Variants in KCND2 observed in about 807,000 individuals in gnomAD.
KCND2 encodes A-type voltage-gated potassium channel KCND2.
Under a neutral mutation model 54.4 loss-of-function variants are expected in KCND2, and 16 were observed. The observed-to-expected ratio is 0.29, with a 90% CI of 0.20 to 0.45. KCND2 has a LOEUF of 0.45. Ranked by LOEUF, KCND2 falls within the 20% of genes least tolerant of loss-of-function variation. The pLI, the probability that KCND2 is intolerant of heterozygous loss-of-function variation, is 1.00. For missense variants in KCND2, 486 were observed against 824.2 expected (o/e 0.59, Z 5.02); for synonymous variants, 317 against 310.7 (o/e 1.02, Z -0.21).
chr7:120,350,066 T>G (rs1336609752), intron 1 of KCND2, among the ~76,000 whole-genome samples: 1 of 152,066 alleles, frequency 6.6e-6, no homozygotes, highest in Non-Finnish European at 1.5e-5. Context: ...GTTTTACAGA[T>G]TTTTCAGACA....
intron 1 of KCND2, among the ~76,000 whole-genome samples, chr7:120,498,305 C>T (rs1802879155): frequency 6.6e-6 from 1 of 152,042 alleles, no homozygotes; most frequent in Non-Finnish European, 1.5e-5. Context: ...CATGGTGAAA[C>T]CCCGTGTCTA....
At chr7:120,489,246 C>T (rs760338966) in intron 1 of KCND2, among the ~76,000 whole-genome samples, 1 of 151,786 alleles carries the variant, frequency 6.6e-6, no homozygotes, top group African/African-American at 2.4e-5. Flanking sequence ...TATTATAACT[C>T]TATAAGTGAA....
rs142446172 is a variant in KCND2 at position 120,320,097 on chromosome 7, G to T, written c.1115+44350G>T. Among the ~76,000 whole-genome samples, 703 of 152,126 alleles carry T rather than the reference G, an allele frequency of 4.6e-3. 2 individuals are homozygous for T. Among genetic ancestry groups the T allele is most frequent in the African/African-American group, 0.016 (656 of 41,512 alleles). ...TGTTTCATCTTGCGCTTGTCAGTTG[G>T]TACCACTTGTACAATAACAAACATT... On this transcript the variant is annotated intron_variant, in intron 1 of 5. Coordinates refer to ENST00000331113, the MANE Select transcript of KCND2 (RefSeq NM_012281.3).
intron 1 of KCND2, among the ~76,000 whole-genome samples, chr7:120,376,352 G>T (rs1800835168): frequency 6.6e-6 from 1 of 151,454 alleles, no homozygotes; most frequent in Non-Finnish European, 1.5e-5. Context: ...AACTTTTAAA[G>T]AACTAATTTT....
intron 1 of KCND2, among the ~76,000 whole-genome samples, chr7:120,396,586 C>T (rs189366288): frequency 1.1e-3 from 164 of 151,958 alleles, no homozygotes; most frequent in African/African-American, 3.5e-3. Flanking sequence ...TTGTGAGTTT[C>T]TACTAACGTT....
intron 1 of KCND2, among the ~76,000 whole-genome samples, chr7:120,388,905 TAC>T (rs546057011): frequency 6.0e-5 from 9 of 150,158 alleles, no homozygotes; most frequent in Non-Finnish European, 1.0e-4. Flanking sequence ...TATATATATA[TAC>T]ACACACATAC....
At chr7:120,309,707 CTTATG>C (rs1467157693) in intron 1 of KCND2, among the ~76,000 whole-genome samples, 3 of 151,888 alleles carry the variant, frequency 2.0e-5, no homozygotes, top group African/African-American at 4.8e-5. Flanking sequence ...CTTCAGATAT[CTTATG>C]TTATGGACTT....
At chr7:120,577,355 TAA>T (rs1342883745) in intron 1 of KCND2, among the ~76,000 whole-genome samples, 2 of 152,182 alleles carry the variant, frequency 1.3e-5, no homozygotes, top group East Asian at 1.9e-4. Flanking sequence ...AAAATTTACT[TAA>T]GTTTTATTCA....
chr7:120,658,021 T>C (rs2116555292), intron 1 of KCND2, among the ~76,000 whole-genome samples: 1 of 152,292 alleles, frequency 6.6e-6, no homozygotes, highest in South Asian at 2.1e-4. Flanking sequence ...ATAAGTAAAT[T>C]TATTAAGAGA....
chr7:120,400,729 C>T (rs533681950), intron 1 of KCND2, among the ~76,000 whole-genome samples: 81 of 152,252 alleles, frequency 5.3e-4, no homozygotes, highest in African/African-American at 1.8e-3. Flanking sequence ...CTCCTGCACA[C>T]ATAGATTCTA....
chr7:120,308,388 A>G (rs1034163588), intron 1 of KCND2, among the ~76,000 whole-genome samples: 4 of 152,128 alleles, frequency 2.6e-5, no homozygotes, highest in Non-Finnish European at 5.9e-5. Context: ...ATGATACATT[A>G]CCATTCTTAC....
intron 1 of KCND2, among the ~76,000 whole-genome samples, chr7:120,443,075 C>T (rs970521009): frequency 6.6e-6 from 1 of 151,966 alleles, no homozygotes; most frequent in African/African-American, 2.4e-5. Flanking sequence ...TAGTCATGAA[C>T]AACCTAAGAA....
In KCND2 at chr7:120,669,799, A is replaced by G. The variant is rs891241264; in HGVS notation, c.1116-63104A>G. 5.9e-5 allele frequency among the ~76,000 whole-genome samples: 9 copies of G among 152,238 alleles called. 1 individual carries two copies. Among genetic ancestry groups the G allele is most frequent in the South Asian group, 2.1e-4 (1 of 4,826 alleles). On this transcript the variant is annotated intron_variant, in intron 1 of 5. Transcript: ENST00000331113. ...AACTCTTATGAGTCAACCTTTTGCCATAGTAGCCAATGGGATACATTTTTA... is the reference window on the plus strand; with the variant it reads ...AACTCTTATGAGTCAACCTTTTGCCGTAGTAGCCAATGGGATACATTTTTA...
At chr7:120,579,712 A>G (rs931551941) in intron 1 of KCND2, among the ~76,000 whole-genome samples, 1 of 151,878 alleles carries the variant, frequency 6.6e-6, no homozygotes, top group Non-Finnish European at 1.5e-5. Context: ...TTTAAAAAAA[A>G]TCATTATTAC....
At chr7:120,292,924 A>C (rs1336546953) in intron 1 of KCND2, among the ~76,000 whole-genome samples, 1 of 151,786 alleles carries the variant, frequency 6.6e-6, no homozygotes, top group Non-Finnish European at 1.5e-5. Context: ...AGCTGATCTG[A>C]CTGGAAGAGA....
intron 1 of KCND2, among the ~76,000 whole-genome samples, chr7:120,687,707 AT>A (rs1562909802): frequency 6.6e-6 from 1 of 152,196 alleles, no homozygotes; most frequent in African/African-American, 2.4e-5. Flanking sequence ...AACAAATGCA[AT>A]TTTTATTTGT....
rs1484565689 is a variant in KCND2 at position 120,273,405 on chromosome 7, G to T, written c.-1228G>T. On this transcript the variant is annotated 5_prime_UTR_variant, in exon 1 of 6. Coordinates refer to ENST00000331113, the MANE Select transcript of KCND2 (RefSeq NM_012281.3). ...CGGCCCCACCGCGCCAACGCCGCCC[G>T]CCCGGCCGCCCCGCAGCCCCGCCGC... 6.8e-6 allele frequency among the ~76,000 whole-genome samples: 1 copy of T among 146,236 alleles called. No individual in the cohort carries two copies. The highest frequency in any genetic ancestry group is 6.8e-5 in the Admixed American group (1 of 14,734).
chr7:120,613,539 A>G (rs1043292438), intron 1 of KCND2, among the ~76,000 whole-genome samples: 4 of 152,162 alleles, frequency 2.6e-5, no homozygotes, highest in African/African-American at 7.2e-5. Flanking sequence ...TTGGGGGGGA[A>G]GAAAGGAAAA....
chr7:120,439,319 T>G (rs1801916789), intron 1 of KCND2, among the ~76,000 whole-genome samples: 1 of 152,152 alleles, frequency 6.6e-6, no homozygotes, highest in African/African-American at 2.4e-5. Context: ...ATCGAAATAG[T>G]GATGTTAGGA....
Sources: gnomAD v4.1 joint callset for allele counts (sites outside exome capture counted in the v4.1 genomes callset) on GRCh38, gnomAD v4.1.1 for gene constraint, MANE v1.5 for transcripts, NCBI Gene and HGNC (gene_info 2026-07-23, HGNC 2026-07-21) for gene names.